The following SPATA17 variants were observed in gnomAD, a reference collection of about 807,000 sequenced individuals.
The protein encoded by SPATA17 is spermatogenesis associated 17.
Under a neutral mutation model 62.2 loss-of-function variants are expected in SPATA17, and 53 were observed. That is an observed-to-expected ratio of 0.85 (90% CI 0.68 to 1.07). SPATA17 has a LOEUF of 1.07. Among genes scored for constraint, SPATA17 ranks in the 50% least tolerant of loss-of-function variants. The pLI is 0.00. For missense variants in SPATA17, 466 were observed against 425.5 expected, an observed-to-expected ratio of 1.10 and a Z score of -0.84; for synonymous variants, 146 against 146.8, an observed-to-expected ratio of 0.99 and a Z score of 0.04.
At chr1:217,738,773 G>A (rs971057782) in intron 5 of SPATA17, among the ~76,000 whole-genome samples, 14 of 152,172 alleles carry the variant, frequency 9.2e-5, no homozygotes, top group African/African-American at 3.1e-4. Context: ...CCAACATGGC[G>A]AAACACTATC....
At chr1:217,758,420 A>G (rs1673097181) in intron 6 of SPATA17, among the ~76,000 whole-genome samples, 1 of 152,178 alleles carries the variant, frequency 6.6e-6, no homozygotes, top group South Asian at 2.1e-4. Flanking sequence ...AAGGTACTAA[A>G]GATTTAGTAC....
intron 6 of SPATA17, among the ~76,000 whole-genome samples, chr1:217,749,969 C>A (rs1393142361): frequency 2.6e-4 from 12 of 46,932 alleles, no homozygotes; most frequent in African/African-American, 3.2e-4. Context: ...CTCTCTCTCT[C>A]TCTCTCTCTC....
At chr1:217,690,721 T>G (rs1283350515) in intron 5 of SPATA17, among the ~76,000 whole-genome samples, 30 of 120,098 alleles carry the variant, frequency 2.5e-4, no homozygotes, top group Non-Finnish European at 4.0e-4. Flanking sequence ...TTCCCACCTA[T>G]GAGTGAGAAT....
intron 5 of SPATA17, among the ~76,000 whole-genome samples, chr1:217,698,652 A>G (rs1007682634): frequency 1.3e-5 from 2 of 151,706 alleles, no homozygotes; most frequent in Admixed American, 1.3e-4. Flanking sequence ...GTACAATATC[A>G]CAGCCAGGAT....
At chr1:217,761,625 G>A (rs1005946776) in intron 6 of SPATA17, among the ~76,000 whole-genome samples, 1 of 152,148 alleles carries the variant, frequency 6.6e-6, no homozygotes, top group South Asian at 2.1e-4. Flanking sequence ...GAGGTAGAGG[G>A]TGGACTAGGG....
intron 9 of SPATA17, among the ~76,000 whole-genome samples, chr1:217,839,260 C>T (rs1292280540): frequency 2.0e-5 from 3 of 152,084 alleles, no homozygotes; most frequent in Non-Finnish European, 2.9e-5. Flanking sequence ...TCATCAGCCT[C>T]TTCTGAAGTC....
At chr1:217,671,949 G>T (rs1424604089) in intron 4 of SPATA17, among the ~76,000 whole-genome samples, 1 of 152,216 alleles carries the variant, frequency 6.6e-6, no homozygotes, top group Non-Finnish European at 1.5e-5. Flanking sequence ...TGAGGAATCA[G>T]AAATGAGGCT....
intron 7 of SPATA17, among the ~76,000 whole-genome samples, chr1:217,779,174 CTG>C (rs1673672283): frequency 7.8e-6 from 1 of 127,588 alleles, no homozygotes; most frequent in Non-Finnish European, 1.7e-5. Flanking sequence ...GTGTGTGTGT[CTG>C]TGTATGGAGA....
chr1:217,861,157 G>A (rs6660814), intron 9 of SPATA17, among the ~76,000 whole-genome samples: 4,147 of 151,970 alleles, frequency 0.027, 61 homozygotes, highest in African/African-American at 0.053. Context: ...GTTCACAAGC[G>A]ATAATGATGA....
At chr1:217,652,308 C>T (rs147638519) in intron 3 of SPATA17, among the ~76,000 whole-genome samples, 210 of 152,200 alleles carry the variant, frequency 1.4e-3, no homozygotes, top group African/African-American at 3.3e-3. Flanking sequence ...TTCGTCTCAC[C>T]GCAACCTCTG....
At chr1:217,814,849 TA>T (rs1674674403) in intron 9 of SPATA17, among the ~76,000 whole-genome samples, 1 of 151,926 alleles carries the variant, frequency 6.6e-6, no homozygotes, top group Non-Finnish European at 1.5e-5. Context: ...CCTCATCTCT[TA>T]AAAAAATAAA....
At chr1:217,848,432 T>C (rs1170744091) in intron 9 of SPATA17, among the ~76,000 whole-genome samples, 2 of 152,162 alleles carry the variant, frequency 1.3e-5, no homozygotes, top group Non-Finnish European at 2.9e-5. Context: ...TATTCAGCTT[T>C]TACTTTTTTT....
At chr1:217,788,916 T>C (rs974862196) in intron 8 of SPATA17, among the ~76,000 whole-genome samples, 4 of 152,180 alleles carry the variant, frequency 2.6e-5, no homozygotes, top group African/African-American at 9.7e-5. Flanking sequence ...GAAGCTACCT[T>C]GCTAGGTCAG....
At chr1:217,827,574 C>T (rs1675025580) in intron 9 of SPATA17, among the ~76,000 whole-genome samples, 1 of 152,112 alleles carries the variant, frequency 6.6e-6, no homozygotes, top group African/African-American at 2.4e-5. Flanking sequence ...TATAAAGATA[C>T]ATGCATGTGT....
At chr1:217,772,818 T>C (rs540594178) in intron 6 of SPATA17, among the ~76,000 whole-genome samples, 4 of 152,322 alleles carry the variant, frequency 2.6e-5, no homozygotes, top group South Asian at 2.1e-4. Flanking sequence ...GTGGAAGACA[T>C]ACATGCAAAT....
At chr1:217,756,819 A>C (rs982360282) in intron 6 of SPATA17, among the ~76,000 whole-genome samples, 3 of 152,228 alleles carry the variant, frequency 2.0e-5, no homozygotes, top group Non-Finnish European at 2.9e-5. Context: ...TCATCTACTT[A>C]GTATTTTCAT....
intron 6 of SPATA17, among the ~76,000 whole-genome samples, chr1:217,753,627 A>G (rs1672968489): frequency 6.6e-6 from 1 of 151,934 alleles, no homozygotes; most frequent in Non-Finnish European, 1.5e-5. Flanking sequence ...ATATATATGT[A>G]TATGTATACA....
At chr1:217,802,535 A>G (rs1010039253) in intron 9 of SPATA17, among the ~76,000 whole-genome samples, 1 of 152,090 alleles carries the variant, frequency 6.6e-6, no homozygotes, top group Admixed American at 6.6e-5. Context: ...GCTTGTAGAC[A>G]GCTACCATCT....
chr1:217,836,167 G>T (rs1382550696), intron 9 of SPATA17, among the ~76,000 whole-genome samples: 5 of 152,110 alleles, frequency 3.3e-5, no homozygotes, highest in Non-Finnish European at 7.3e-5. Context: ...TGTGGTCTTT[G>T]TGCAGTGAGC....
Sources: gnomAD v4.1 joint callset for allele counts (sites outside exome capture counted in the v4.1 genomes callset) on GRCh38, gnomAD v4.1.1 for gene constraint, MANE v1.5 for transcripts, NCBI Gene and HGNC (gene_info 2026-07-23, HGNC 2026-07-21) for gene names.